KIF3A: variants seen among roughly 807,000 people sequenced by gnomAD.
The protein encoded by KIF3A is kinesin family member 3A.
Under a neutral mutation model 92.6 loss-of-function variants are expected in KIF3A, and 27 were observed. The ratio of observed to expected loss-of-function variants is 0.29; its 90% CI spans 0.21 to 0.40. KIF3A has a LOEUF of 0.40. Among genes scored for constraint, KIF3A ranks in the 10% least tolerant of loss-of-function variants. The pLI is 1.00. For synonymous variants in KIF3A, 250 were observed against 275.4 expected (o/e 0.91, Z 0.92); for missense variants, 581 against 872.6 (o/e 0.67, Z 4.21).
intron 8 of KIF3A, among the ~76,000 whole-genome samples, chr5:132,711,326 G>A (rs940268560): frequency 2.6e-5 from 4 of 152,090 alleles, no homozygotes; most frequent in East Asian, 1.9e-4. Context: ...GCAAGGTGGC[G>A]CACGCCTGTA....
chr5:132,712,692 A>G (rs544100729), intron 8 of KIF3A, among the ~76,000 whole-genome samples: 1 of 152,358 alleles, frequency 6.6e-6, no homozygotes, highest in East Asian at 1.9e-4. Flanking sequence ...TGGAAACATA[A>G]AACAATAGAT....
chr5:132,713,494 CT>C (rs749051217), intron 8 of KIF3A, among the ~76,000 whole-genome samples: 3 of 151,580 alleles, frequency 2.0e-5, no homozygotes, highest in Non-Finnish European at 2.9e-5. Flanking sequence ...CTATTGCCTA[CT>C]TTTTTATTGT....
chr5:132,712,974 A>G (rs1753480980), intron 8 of KIF3A, among the ~76,000 whole-genome samples: 1 of 152,188 alleles, frequency 6.6e-6, no homozygotes, highest in South Asian at 2.1e-4. Flanking sequence ...CCTGGCAAAC[A>G]TGGTGAAACC....
chr5:132,701,918 G>C (rs920086149), intron 15 of KIF3A, among the ~76,000 whole-genome samples, 169 bp downstream of exon 15: 1 of 152,190 alleles, frequency 6.6e-6, no homozygotes, highest in African/African-American at 2.4e-5. Flanking sequence ...TACTCAAACA[G>C]AGATTATGTA....
chr5:132,731,938 C>T (rs772912217), intron 2 of KIF3A, among the ~76,000 whole-genome samples: 3 of 151,966 alleles, frequency 2.0e-5, no homozygotes, highest in Non-Finnish European at 4.4e-5. Flanking sequence ...CTCGAACTCC[C>T]GACCTCGTGA....
chr5:132,690,414 C>A (rs1219407423), downstream of KIF3A, among the ~76,000 whole-genome samples: 1 of 151,752 alleles, frequency 6.6e-6, no homozygotes, highest in African/African-American at 2.4e-5. Context: ...ATTTGAGACA[C>A]AAAATTACAG....
Position 132,703,482 on chromosome 5 carries a change from T to C in KIF3A, c.1447A>G (p.Lys483Glu). 1.2e-6 allele frequency: 2 copies of C among 1,610,198 alleles called. No homozygotes were observed. The highest frequency in any genetic ancestry group is 2.2e-5 in the East Asian group (1 of 44,744). Residue 483 changes from lysine (K) to glutamate (E), a missense_variant, in exon 12 of 19, where the codon AAA becomes GAA. By Grantham distance (56) the Lys-to-Glu change is moderately conservative. Transcript: ENST00000403231. ...ACTCACTGGGCTTTAAGAAGATCTT[T>C]TTCCCGTTTCTCTAATTCAGCTCTA... ...KARAELEKRE[K>E]DLLKAQQEHQ... is the part of the protein sequence containing the mutation.
downstream of KIF3A, among the ~76,000 whole-genome samples, chr5:132,691,345 C>T (rs1752659027): frequency 1.3e-5 from 2 of 151,868 alleles, no homozygotes; most frequent in South Asian, 4.2e-4. Flanking sequence ...GTTGGGAGTT[C>T]GAGACGAGCC....
chr5:132,713,889 C>CTTTTTTTT (rs34191042), intron 8 of KIF3A, among the ~76,000 whole-genome samples: 24 of 83,764 alleles, frequency 2.9e-4, no homozygotes, highest in South Asian at 5.1e-4. Context: ...ATTTCACTTT[C>CTTTTTTTT]TTTTTTTTTT....
chr5:132,712,944 G>A (rs1196085864), intron 8 of KIF3A, among the ~76,000 whole-genome samples: 2 of 152,162 alleles, frequency 1.3e-5, no homozygotes, highest in African/African-American at 4.8e-5. Context: ...CAGATCACGA[G>A]GTCAGAGGAT....
chr5:132,702,075 C>T lies in KIF3A; in HGVS notation c.1884+12G>A. On this transcript the variant is annotated intron_variant, in intron 15 of 18. Transcript: ENST00000403231. ...TCAAGCGACTATCTCGGTCAGAGAA[C>T]TTCCTTTTTACCTGATAATCCCGAG... 1 of 1,603,774 alleles carries T rather than the reference C, an allele frequency of 6.2e-7. No individual in the cohort carries two copies. The highest frequency in any genetic ancestry group is 1.1e-5 in the South Asian group (1 of 89,886).
At chr5:132,716,047 G>T in intron 7 of KIF3A, 116 bp from the exon 8 acceptor site, 1 of 877,160 alleles carries the variant, frequency 1.1e-6, no homozygotes, top group Non-Finnish European at 1.7e-6. Flanking sequence ...TGGCCTTCTC[G>T]AAAATGAGAG....
At position 132,716,337 on chromosome 5, in the gene KIF3A, C is replaced by T. The variant is rs760913175; in HGVS notation, c.862G>A (p.Val288Ile). The T allele has an allele frequency of 6.8e-6, 11 of 1,613,872 alleles. No homozygotes were observed. The African/African-American group carries it at 1.5e-4, about 22-fold the overall frequency. ...STLGNVISAL[V>I]DGKSTHVPYR... Reference sequence around the variant, plus strand: ...GGCACATGAGTGCTTTTTCCATCAACCAAGGCAGAAATTACATTACCAAGG... The same window carrying T: ...GGCACATGAGTGCTTTTTCCATCAATCAAGGCAGAAATTACATTACCAAGG... Residue 288 changes from valine to isoleucine, a missense_variant, in exon 7 of 19, where the codon GTT becomes ATT. Coordinates refer to ENST00000403231, the MANE Select transcript of KIF3A (RefSeq NM_001300791.2).
chr5:132,737,302 C>T (rs1380801186), intron 1 of KIF3A, 112 bp downstream of exon 1: 10 of 1,268,350 alleles, frequency 7.9e-6, no homozygotes, highest in Admixed American at 2.6e-5. Flanking sequence ...CCGAGCCTGC[C>T]CCGCCCCACC....
In KIF3A at chr5:132,716,831, G is replaced by GTCC; in HGVS notation, c.756+11_756+13dup. 1 of 1,612,162 alleles carries GTCC rather than the reference G, an allele frequency of 6.2e-7. No homozygotes were observed. The highest frequency in any genetic ancestry group is 8.5e-7 in the Non-Finnish European group (1 of 1,178,950). On this transcript the variant is annotated intron_variant, in intron 6 of 18. Transcript: ENST00000403231. ...AAGAAAGAGTTATTCCTTAAGCAGT[G>GTCC]TCCTGTTACTTACAGCAAGATCTAC... is the stretch of plus-strand genomic sequence containing the variant.
chr5:132,693,424 A>G lies in KIF3A; in HGVS notation c.*3210T>C, dbSNP rs939456624. 4 of 152,774 alleles carry G rather than the reference A, an allele frequency of 2.6e-5. No individual in the cohort carries two copies. The highest frequency in any genetic ancestry group is 7.2e-5 in the African/African-American group (3 of 41,464). 9.5% of individuals were successfully genotyped at this position (152,774 alleles called of 1,614,324 possible). ...ATGCTCCTTTTAATAAATAAATATC[A>G]CTTTTTAAATTAAAGGGAAAAGAGA... On this transcript the variant is annotated 3_prime_UTR_variant, in exon 19 of 19. Coordinates refer to ENST00000403231, the MANE Select transcript of KIF3A (RefSeq NM_001300791.2).
chr5:132,724,812 TATATATATATATATATATATATATA>T (rs1753971595), intron 4 of KIF3A, among the ~76,000 whole-genome samples: 3 of 12,452 alleles, frequency 2.4e-4, no homozygotes, highest in East Asian at 1.4e-3. Context: ...AAAAAATATA[TATATATATATATATATATATATATA>T]TATATATATA....
At chr5:132,710,732 G>A (rs1048548282) in intron 9 of KIF3A, among the ~76,000 whole-genome samples, 1 of 152,070 alleles carries the variant, frequency 6.6e-6, no homozygotes, top group African/African-American at 2.4e-5. Context: ...GTATTATAGA[G>A]TCTTACAATT....
chr5:132,734,341 T>G lies in KIF3A; in HGVS notation c.144A>C (p.Val48=), dbSNP rs1193974166. The change falls in exon 2 of 19, where the codon GTA becomes GTC. Residue 48 remains valine (V), a synonymous_variant. Coordinates refer to ENST00000403231, the MANE Select transcript of KIF3A (RefSeq NM_001300791.2). ...SVDEMRGTIT[V]HKTDSSNEPP... is the part of the protein sequence containing the mutation. ...GTTCATTGGAAGAATCAGTCTTATGTACAGTGATAGTTCCCCTCATCTCAT... is the reference window on the plus strand; with the variant it reads ...GTTCATTGGAAGAATCAGTCTTATGGACAGTGATAGTTCCCCTCATCTCAT... 1 of 1,614,036 alleles carries G rather than the reference T, an allele frequency of 6.2e-7. No individual in the cohort carries two copies. Among genetic ancestry groups the G allele is most frequent in the African/African-American group, 1.3e-5 (1 of 74,922 alleles).
Sources: gnomAD v4.1 joint callset for allele counts (sites outside exome capture counted in the v4.1 genomes callset) on GRCh38, gnomAD v4.1.1 for gene constraint, MANE v1.5 for transcripts, NCBI Gene and HGNC (gene_info 2026-07-23, HGNC 2026-07-21) for gene names.